Variants in GNG12 observed in about 807,000 individuals in gnomAD.
GNG12 encodes G protein subunit gamma 12, also known as guanine nucleotide-binding protein G(I)/G(S)/G(O) subunit gamma-12.
For missense variants in GNG12, 69 were observed against 83.8 expected, an observed-to-expected ratio of 0.82 and a Z score of 0.69; for synonymous variants, 28 against 29.7, an observed-to-expected ratio of 0.94 and a Z score of 0.19.
chr1:67,795,300 C>T (rs1323258693), intron 1 of GNG12, among the ~76,000 whole-genome samples: 5 of 152,182 alleles, frequency 3.3e-5, no homozygotes, highest in Admixed American at 3.3e-4. Flanking sequence ...GTCCACTTTC[C>T]ACCTAGAAGT....
chr1:67,728,414 C>T (rs763579530), intron 2 of GNG12, among the ~76,000 whole-genome samples: 14 of 152,306 alleles, frequency 9.2e-5, no homozygotes, highest in Non-Finnish European at 1.3e-4. Context: ...CTTCCTCGTC[C>T]CCAACAAAGG....
intron 1 of GNG12, among the ~76,000 whole-genome samples, chr1:67,803,933 A>G (rs1045538770): frequency 4.6e-5 from 7 of 152,250 alleles, no homozygotes; most frequent in African/African-American, 1.7e-4. Context: ...CAGTGAAGCA[A>G]AAAACACGCA....
intron 2 of GNG12, among the ~76,000 whole-genome samples, chr1:67,769,489 T>C (rs1646660810): frequency 6.6e-6 from 1 of 152,230 alleles, no homozygotes; most frequent in Non-Finnish European, 1.5e-5. Context: ...TCATAAACTC[T>C]GCATGGAGCC....
chr1:67,779,373 G>T (rs1646724431), intron 1 of GNG12, among the ~76,000 whole-genome samples: 1 of 152,084 alleles, frequency 6.6e-6, no homozygotes, highest in African/African-American at 2.4e-5. Flanking sequence ...GTCTCCTATG[G>T]AGAGCCCTGA....
At chr1:67,752,426 G>T (rs1021667438) in intron 2 of GNG12, among the ~76,000 whole-genome samples, 2 of 152,180 alleles carry the variant, frequency 1.3e-5, no homozygotes, top group Admixed American at 6.5e-5. Flanking sequence ...CAAGCATGTA[G>T]GAGTTTGGGG....
intron 1 of GNG12, among the ~76,000 whole-genome samples, chr1:67,791,477 A>G (rs928886443): frequency 6.6e-6 from 1 of 152,068 alleles, no homozygotes. Flanking sequence ...CTTGGCCACA[A>G]TCATCTCCCA....
intron 2 of GNG12, among the ~76,000 whole-genome samples, chr1:67,740,781 G>T (rs1646478929): frequency 6.6e-6 from 1 of 152,120 alleles, no homozygotes; most frequent in Non-Finnish European, 1.5e-5. Flanking sequence ...CCCACCTTGT[G>T]GTACATAGCA....
intron 1 of GNG12, among the ~76,000 whole-genome samples, chr1:67,809,651 T>C (rs1312982791): frequency 2.0e-5 from 3 of 151,978 alleles, no homozygotes; most frequent in Non-Finnish European, 2.9e-5. Flanking sequence ...AAAGAAAACA[T>C]ACAGATGGCA....
chr1:67,733,919 AGTC>A (rs1393778386), intron 2 of GNG12, among the ~76,000 whole-genome samples: 4 of 152,182 alleles, frequency 2.6e-5, no homozygotes, highest in African/African-American at 7.2e-5. Context: ...CTTGGAGGAT[AGTC>A]TCAGGTGAAA....
chr1:67,824,103 T>A (rs1646998401), intron 1 of GNG12, among the ~76,000 whole-genome samples: 1 of 152,172 alleles, frequency 6.6e-6, no homozygotes, highest in East Asian at 1.9e-4. Context: ...TCTTATTTGC[T>A]TGTGTTTACA....
intron 2 of GNG12, among the ~76,000 whole-genome samples, chr1:67,731,008 G>A (rs1237974092): frequency 3.3e-5 from 5 of 152,134 alleles, no homozygotes; most frequent in Admixed American, 3.3e-4. Flanking sequence ...GCTTTTCAAA[G>A]GGGCCCCGCA....
chr1:67,783,346 G>A (rs184154007), intron 1 of GNG12, among the ~76,000 whole-genome samples: 92 of 152,112 alleles, frequency 6.0e-4, no homozygotes, highest in African/African-American at 2.2e-3. Context: ...TATTTCTCTG[G>A]CTTCTCTAAA....
chr1:67,709,862 ATAGT>A (rs1469113793), intron 2 of GNG12, among the ~76,000 whole-genome samples: 1 of 126,056 alleles, frequency 7.9e-6, no homozygotes, highest in African/African-American at 3.1e-5. Flanking sequence ...TTATATATAT[ATAGT>A]TATATATATA....
chr1:67,709,613 G>C (rs955458999), intron 2 of GNG12, among the ~76,000 whole-genome samples: 1 of 150,812 alleles, frequency 6.6e-6, no homozygotes, highest in Non-Finnish European at 1.5e-5. Flanking sequence ...CCTCTTCCTC[G>C]GATTCCTCAG....
chr1:67,780,574 C>A (rs1242307392), intron 1 of GNG12, among the ~76,000 whole-genome samples: 1 of 152,194 alleles, frequency 6.6e-6, no homozygotes, highest in East Asian at 1.9e-4. Context: ...CAGGAAAACA[C>A]TGGAATAGCA....
rs537080596 is a variant in GNG12 at position 67,798,937 on chromosome 1, A to G, written c.-76-21430T>C. ...CCACTGCACTCCAGCCTGGCGGCAG[A>G]GCAAGGCTGTCTCACAAAAAAAATA... On this transcript the variant is annotated intron_variant, in intron 1 of 3. Transcript: ENST00000370982. Among the ~76,000 whole-genome samples the G allele has an allele frequency of 2.8e-3, 422 of 152,046 alleles. 1 individual carries two copies. Among genetic ancestry groups the G allele is most frequent in the African/African-American group, 0.01 (416 of 41,500 alleles).
intron 2 of GNG12, among the ~76,000 whole-genome samples, chr1:67,736,625 C>T (rs1646454098): frequency 6.6e-6 from 1 of 152,184 alleles, no homozygotes; most frequent in Non-Finnish European, 1.5e-5. Context: ...ATGCCAACCC[C>T]AGGAGCAGTG....
chr1:67,823,937 CAT>C (rs1264375040), intron 1 of GNG12, among the ~76,000 whole-genome samples: 1 of 152,156 alleles, frequency 6.6e-6, no homozygotes, highest in Non-Finnish European at 1.5e-5. Flanking sequence ...GGTACATCCA[CAT>C]GATGGAAAAC....
chr1:67,827,870 CA>C (rs751399135), intron 1 of GNG12, among the ~76,000 whole-genome samples: 6 of 152,126 alleles, frequency 3.9e-5, no homozygotes, highest in Non-Finnish European at 8.8e-5. Flanking sequence ...CATGATAAAC[CA>C]AACACTTAAG....
Sources: gnomAD v4.1 joint callset for allele counts (sites outside exome capture counted in the v4.1 genomes callset) on GRCh38, gnomAD v4.1.1 for gene constraint, MANE v1.5 for transcripts, NCBI Gene and HGNC (gene_info 2026-07-23, HGNC 2026-07-21) for gene names.